The following MYT1L variants were observed in gnomAD, a reference collection of about 807,000 sequenced individuals.
The protein encoded by MYT1L is myelin transcription factor 1 like.
In MYT1L, 12 loss-of-function variants were observed where a neutral mutation model predicts 126.7. The observed-to-expected ratio is 0.09, with a 90% CI of 0.06 to 0.15. The LOEUF is 0.15. Among genes scored for constraint, MYT1L ranks in the 10% least tolerant of loss-of-function variants. The probability of loss-of-function intolerance (pLI) is 1.00; values close to 1 mark genes in which losing one functional copy is unlikely to be tolerated. For missense variants in MYT1L, 979 were observed against 1,585.2 expected, an observed-to-expected ratio of 0.62 and a Z score of 6.49; for synonymous variants, 541 against 604.2, an observed-to-expected ratio of 0.90 and a Z score of 1.53.
At chr2:2,061,376 G>T (rs1574910873) in intron 3 of MYT1L, among the ~76,000 whole-genome samples, 1 of 152,128 alleles carries the variant, frequency 6.6e-6, no homozygotes, top group Admixed American at 6.5e-5. Flanking sequence ...GTCCCATTTG[G>T]AGCCCCTCTA....
At chr2:2,291,496 C>G (rs2095598941) in intron 1 of MYT1L, among the ~76,000 whole-genome samples, 1 of 152,324 alleles carries the variant, frequency 6.6e-6, no homozygotes, top group Middle Eastern at 3.4e-3. Context: ...GACTGGCCAA[C>G]AGGAAAGTGT....
intron 3 of MYT1L, among the ~76,000 whole-genome samples, chr2:2,119,023 A>G (rs2080603774): frequency 6.6e-6 from 1 of 152,274 alleles, no homozygotes; most frequent in Non-Finnish European, 1.5e-5. Context: ...TTAAATATTC[A>G]ACCATGTGGT....
At chr2:1,837,261 C>A (rs936009250) in intron 21 of MYT1L, among the ~76,000 whole-genome samples, 2 of 152,194 alleles carry the variant, frequency 1.3e-5, no homozygotes, top group African/African-American at 4.8e-5. Flanking sequence ...AAAGCTAAAG[C>A]ACCAGGCTCC....
intron 8 of MYT1L, among the ~76,000 whole-genome samples, chr2:1,976,696 A>C (rs765956618): frequency 4.6e-5 from 7 of 152,232 alleles, no homozygotes; most frequent in Non-Finnish European, 7.3e-5. Flanking sequence ...TTAAAACAGC[A>C]ATAGTCATAG....
intron 2 of MYT1L, among the ~76,000 whole-genome samples, chr2:2,202,090 C>A (rs1049566340): frequency 1.1e-4 from 17 of 152,028 alleles, no homozygotes; most frequent in African/African-American, 3.9e-4. Context: ...AAAGACACAA[C>A]ATACCAGAAT....
chr2:1,901,238 G>T (rs1257272601), intron 14 of MYT1L, among the ~76,000 whole-genome samples: 1 of 152,092 alleles, frequency 6.6e-6, no homozygotes, highest in African/African-American at 2.4e-5. Context: ...TGAAGCTGAA[G>T]AAAGAAATCA....
intron 14 of MYT1L, among the ~76,000 whole-genome samples, chr2:1,896,057 C>T (rs1033038347): frequency 1.3e-5 from 2 of 152,198 alleles, no homozygotes; most frequent in African/African-American, 2.4e-5. Flanking sequence ...CAAAAGAAGA[C>T]ATACAAGTGG....
chr2:2,267,323 A>C (rs1345834354), intron 2 of MYT1L, among the ~76,000 whole-genome samples: 1 of 152,204 alleles, frequency 6.6e-6, no homozygotes, highest in Non-Finnish European at 1.5e-5. Context: ...CCTCACTTCC[A>C]TGGGGAAACT....
intron 2 of MYT1L, among the ~76,000 whole-genome samples, chr2:2,217,208 A>G (rs1379823228): frequency 1.4e-5 from 2 of 148,136 alleles, no homozygotes; most frequent in East Asian, 3.8e-4. Context: ...ATACCACAAG[A>G]TAAGAAAGTC....
At position 1,979,204 on chromosome 2, in the gene MYT1L, C is replaced by T. The variant is rs2149488963; in HGVS notation, c.113G>A (p.Gly38Asp). 2 of 1,613,936 alleles carry T rather than the reference C, an allele frequency of 1.2e-6. No homozygotes were observed. Among genetic ancestry groups the T allele is most frequent in the Non-Finnish European group, 1.7e-6 (2 of 1,179,904 alleles). ...ATATTTGCCACTGACATGACCACTGCCGTCACAGCCAGGGGTGGGACAGCT... is the reference window on the plus strand; with the variant it reads ...ATATTTGCCACTGACATGACCACTGTCGTCACAGCCAGGGGTGGGACAGCT... ...LFSCPTPGCD[G>D]SGHVSGKYAR... Residue 38 changes from glycine (G) to aspartate (D), a missense_variant, in exon 8 of 25, where the codon GGC becomes GAC. This residue lies in a region of MYT1L where 12 missense variants were observed against 34.6 expected (regional missense o/e 0.35). Coordinates refer to ENST00000647738, the MANE Select transcript of MYT1L (RefSeq NM_001303052.2). This position sits in a 1 kb window ranked among gnomAD's most constrained non-coding sequence, Gnocchi z 4.0.
At chr2:1,957,849 A>G (rs977612779) in intron 8 of MYT1L, among the ~76,000 whole-genome samples, 2 of 152,162 alleles carry the variant, frequency 1.3e-5, no homozygotes, top group Admixed American at 1.3e-4. Flanking sequence ...CTGGCACACA[A>G]TAGGTCCTCA....
chr2:2,083,395 T>A (rs149033709), intron 3 of MYT1L, among the ~76,000 whole-genome samples: 1 of 152,252 alleles, frequency 6.6e-6, no homozygotes, highest in Non-Finnish European at 1.5e-5. Flanking sequence ...TGAGCAGAGA[T>A]CCCACAGCCC....
At chr2:2,326,621 C>T (rs2096249157) in intron 1 of MYT1L, 1 of 151,880 alleles carries the variant, frequency 6.6e-6, no homozygotes, top group African/African-American at 2.4e-5. Context: ...AAAAGAGGTA[C>T]ATGGTAGGAA....
intron 2 of MYT1L, among the ~76,000 whole-genome samples, chr2:2,223,238 A>T (rs2093925504): frequency 2.6e-5 from 4 of 152,264 alleles, no homozygotes. Flanking sequence ...AAGACAAGAC[A>T]AATATAAAAA....
At chr2:2,131,738 G>A (rs913240034) in intron 3 of MYT1L, among the ~76,000 whole-genome samples, 8 of 151,958 alleles carry the variant, frequency 5.3e-5, no homozygotes, top group African/African-American at 1.9e-4. Flanking sequence ...GTGAGGTTTT[G>A]GTGCTTCTGA....
intron 1 of MYT1L, among the ~76,000 whole-genome samples, chr2:2,329,233 G>C (rs1212370494): frequency 2.1e-5 from 3 of 145,578 alleles, no homozygotes; most frequent in Non-Finnish European, 4.5e-5. Context: ...AGATTAATCA[G>C]TGAATTAGCA....
At chr2:1,908,810 T>C (rs1310194554) in intron 13 of MYT1L, among the ~76,000 whole-genome samples, 1 of 152,144 alleles carries the variant, frequency 6.6e-6, no homozygotes, top group African/African-American at 2.4e-5. Context: ...CTTCCTGAGA[T>C]GGGTGCTCTG....
intron 1 of MYT1L, among the ~76,000 whole-genome samples, chr2:2,295,067 G>T (rs564947924): frequency 6.6e-6 from 1 of 152,282 alleles, no homozygotes; most frequent in African/African-American, 2.4e-5. Context: ...TAGGAGAGAT[G>T]CTGGATGGTG....
In MYT1L at chr2:1,954,628, A is replaced by G. The variant is rs538985601; in HGVS notation, c.153-11294T>C. Among the ~76,000 whole-genome samples the G allele has an allele frequency of 2.6e-5, 4 of 152,150 alleles. No homozygotes were observed. In the East Asian group the frequency reaches 7.7e-4, roughly 29 times the overall value. On this transcript the variant is annotated intron_variant, in intron 8 of 24. Coordinates refer to ENST00000647738, the MANE Select transcript of MYT1L (RefSeq NM_001303052.2). ...GCAGCAAGTGGCTGTTCCACTTTCC[A>G]CTGTCAGGGGTCCTCAAAGACTCAT...
Sources: gnomAD v4.1 joint callset for allele counts (sites outside exome capture counted in the v4.1 genomes callset) on GRCh38, gnomAD v4.1.1 for gene constraint, gnomAD v4.1.1 regional missense constraint, Gnocchi (gnomAD v3.1) non-coding constraint, MANE v1.5 for transcripts, NCBI Gene and HGNC (gene_info 2026-07-23, HGNC 2026-07-21) for gene names.